FGD4: variants seen among roughly 807,000 people sequenced by gnomAD.
FGD4 encodes the protein FYVE, RhoGEF and PH domain containing 4, also known as FYVE, RhoGEF and PH domain-containing protein 4.
FGD4 carries 42 observed loss-of-function variants against 102.0 expected under a neutral mutation model. That is an observed-to-expected ratio of 0.41 (90% CI 0.32 to 0.53). The LOEUF is 0.53. Among genes scored for constraint, FGD4 ranks in the 20% least tolerant of loss-of-function variants. FGD4 has a pLI of 0.21. For missense variants in FGD4, 902 were observed against 1,078.2 expected (o/e 0.84, Z 2.29); for synonymous variants, 380 against 375.7 (o/e 1.01, Z -0.13).
intron 10 of FGD4, among the ~76,000 whole-genome samples, chr12:32,613,819 C>G (rs1949293537): frequency 6.6e-6 from 1 of 152,090 alleles, no homozygotes; most frequent in African/African-American, 2.4e-5. Flanking sequence ...GAGCCCCTAT[C>G]AAAGCAACAT....
chr12:32,402,084 A>G (rs1940694708), intron 1 of FGD4, among the ~76,000 whole-genome samples: 2 of 121,588 alleles, frequency 1.6e-5, no homozygotes, highest in Non-Finnish European at 3.6e-5. Context: ...TTGTACTTTT[A>G]GTAGAGACGG....
At chr12:32,439,769 C>T (rs1295706613) in intron 1 of FGD4, among the ~76,000 whole-genome samples, 1 of 152,290 alleles carries the variant, frequency 6.6e-6, no homozygotes, top group Non-Finnish European at 1.5e-5. Flanking sequence ...CTGCTCCTAT[C>T]GCTCTCTCTG....
intron 16 of FGD4, chr12:32,639,076 G>A (rs1951015970): frequency 4.8e-6 from 3 of 624,430 alleles, no homozygotes; most frequent in African/African-American, 1.9e-5. Flanking sequence ...GAGGAGAAGG[G>A]GAAGCAAACG....
At chr12:32,414,049 G>A (rs940401214) in intron 1 of FGD4, among the ~76,000 whole-genome samples, 4 of 146,356 alleles carry the variant, frequency 2.7e-5, no homozygotes, top group East Asian at 2.0e-4. Context: ...TTGGCTCACC[G>A]CAACCTCCAC....
At chr12:32,452,270 A>G (rs1591928109) in intron 1 of FGD4, among the ~76,000 whole-genome samples, 1 of 152,282 alleles carries the variant, frequency 6.6e-6, no homozygotes, top group East Asian at 1.9e-4. Context: ...GTACATAGAA[A>G]TTTTTGTGGA....
intron 1 of FGD4, among the ~76,000 whole-genome samples, chr12:32,407,121 A>ATT (rs35497027): frequency 2.8e-4 from 25 of 90,906 alleles, no homozygotes; most frequent in Admixed American, 5.0e-4. Context: ...AAGAAGCTGT[A>ATT]TTTTTTTTTT....
intron 1 of FGD4, among the ~76,000 whole-genome samples, chr12:32,464,636 A>G (rs927035012): frequency 1.3e-5 from 2 of 152,244 alleles, no homozygotes; most frequent in Non-Finnish European, 2.9e-5. Flanking sequence ...ACTAGGTAGT[A>G]TTCAAGGTGT....
intron 1 of FGD4, among the ~76,000 whole-genome samples, chr12:32,478,925 C>T (rs891861381): frequency 2.0e-5 from 3 of 152,262 alleles, no homozygotes; most frequent in Admixed American, 1.3e-4. Flanking sequence ...TTCCATGGCA[C>T]GATACCATTA....
chr12:32,475,603 G>T (rs1033908800), intron 1 of FGD4, among the ~76,000 whole-genome samples: 2 of 152,154 alleles, frequency 1.3e-5, no homozygotes, highest in African/African-American at 4.8e-5. Context: ...CTCCATCCCA[G>T]ACTTTCTAGA....
intron 1 of FGD4, among the ~76,000 whole-genome samples, chr12:32,517,807 G>A (rs1940051735): frequency 1.3e-5 from 2 of 152,080 alleles, no homozygotes; most frequent in Non-Finnish European, 1.5e-5. Context: ...GATTGCTTGA[G>A]CCTGAAAGGT....
intron 1 of FGD4, among the ~76,000 whole-genome samples, chr12:32,557,212 T>A (rs1019925473): frequency 1.7e-4 from 26 of 152,234 alleles, no homozygotes; most frequent in African/African-American, 5.8e-4. Flanking sequence ...CATAGATTTT[T>A]AAAAATATAA....
At chr12:32,507,109 G>A (rs1023841977) in intron 1 of FGD4, among the ~76,000 whole-genome samples, 2 of 125,466 alleles carry the variant, frequency 1.6e-5, no homozygotes, top group African/African-American at 6.4e-5. Context: ...TCCCCAGAGT[G>A]TGATGTTCCC....
intron 1 of FGD4, among the ~76,000 whole-genome samples, chr12:32,465,407 C>A (rs1442244946): frequency 6.6e-6 from 1 of 152,104 alleles, no homozygotes; most frequent in African/African-American, 2.4e-5. Flanking sequence ...CGGTGGCTCA[C>A]ACCTGTAATC....
chr12:32,407,972 C>CTTTA (rs59676286), intron 1 of FGD4, among the ~76,000 whole-genome samples: 23,532 of 145,464 alleles, frequency 0.16, 2,044 homozygotes, highest in Middle Eastern at 0.22. Context: ...TAATCCTAGA[C>CTTTA]TTTATTTATT....
At chr12:32,473,710 C>T (rs1406505537) in intron 1 of FGD4, among the ~76,000 whole-genome samples, 4 of 152,136 alleles carry the variant, frequency 2.6e-5, no homozygotes, top group African/African-American at 4.8e-5. Flanking sequence ...CGTTATTTTC[C>T]GTTCTTCCCC....
chr12:32,399,876 C>T lies in FGD4; in HGVS notation c.83C>T (p.Pro28Leu). ...CCCTCCTACCTGCCGCCCGGGGTGC[C>T]CCGGCCCTGGAGCAGGCCCGCGTCG... ...SNPSYLPPGV[P>L]RPWSRPASHL... The change falls in exon 1 of 17, where the codon CCC becomes CTC. Residue 28 changes from proline to leucine, a missense_variant. Coordinates refer to ENST00000534526, the MANE Select transcript of FGD4 (RefSeq NM_001370298.3). 6.5e-7 allele frequency: 1 copy of T among 1,531,306 alleles called. No homozygotes were observed. Among genetic ancestry groups the T allele is most frequent in the Non-Finnish European group, 8.7e-7 (1 of 1,145,180 alleles). 94.9% of individuals were successfully genotyped at this position (1,531,306 alleles called of 1,614,324 possible).
At chr12:32,582,624 C>T in intron 4 of FGD4, 157 bp downstream of exon 4, 1 of 889,944 alleles carries the variant, frequency 1.1e-6, no homozygotes, top group Non-Finnish European at 1.7e-6. Flanking sequence ...TAGCATTTCC[C>T]CTATGCTCTA....
intron 1 of FGD4, among the ~76,000 whole-genome samples, chr12:32,504,167 G>A (rs559322690): frequency 2.2e-4 from 33 of 152,310 alleles, no homozygotes; most frequent in Admixed American, 5.9e-4. Flanking sequence ...AGAGTAATAA[G>A]TAATAAAACC....
chr12:32,562,560 C>A (rs1409138608), intron 1 of FGD4, among the ~76,000 whole-genome samples: 1 of 152,102 alleles, frequency 6.6e-6, no homozygotes, highest in Non-Finnish European at 1.5e-5. Flanking sequence ...GACCCTGCGG[C>A]CTTCCGCAGT....
Sources: allele counts gnomAD v4.1 joint callset (sites outside exome capture counted in the v4.1 genomes callset), GRCh38; gene constraint gnomAD v4.1.1; transcripts MANE v1.5; gene names NCBI Gene and HGNC (gene_info 2026-07-23, HGNC 2026-07-21).